GOLIM4: variants seen among roughly 807,000 people sequenced by gnomAD.
The protein encoded by GOLIM4 is 130 kDa golgi-localized phosphoprotein.
A neutral mutation model predicts 107.4 loss-of-function variants in GOLIM4; 71 were observed. The observed-to-expected ratio is 0.66, with a 90% confidence interval of 0.55 to 0.81. The LOEUF (loss-of-function observed/expected upper bound fraction) is 0.81. Ranked by LOEUF, GOLIM4 falls within the 30% of genes least tolerant of loss-of-function variation. GOLIM4 has a pLI of 0.00. For synonymous variants in GOLIM4, 327 were observed against 294.8 expected (o/e 1.11, Z -1.12); for missense variants, 830 against 826.1 (o/e 1.00, Z -0.06).
chr3:168,089,338 T>C (rs1034413435), intron 1 of GOLIM4, among the ~76,000 whole-genome samples: 1 of 152,206 alleles, frequency 6.6e-6, no homozygotes, highest in African/African-American at 2.4e-5. Flanking sequence ...TTAGTACACC[T>C]ACCACACATT....
At chr3:168,017,952 T>C (rs1392100211) in intron 14 of GOLIM4, among the ~76,000 whole-genome samples, 1 of 152,194 alleles carries the variant, frequency 6.6e-6, no homozygotes, top group Admixed American at 6.5e-5. Context: ...AGCATCCAAA[T>C]ATTTGTGCTA....
chr3:168,060,192 G>A (rs557610996), intron 1 of GOLIM4, among the ~76,000 whole-genome samples: 2 of 151,984 alleles, frequency 1.3e-5, no homozygotes, highest in Admixed American at 1.3e-4. Context: ...CCAAGTAGGT[G>A]GGACTACAGG....
At chr3:168,013,105 A>C (rs1717151606) in intron 14 of GOLIM4, among the ~76,000 whole-genome samples, 3 of 151,554 alleles carry the variant, frequency 2.0e-5, no homozygotes, top group Non-Finnish European at 4.4e-5. Flanking sequence ...AAATTGGATG[A>C]AGAGTCAAGA....
chr3:168,078,779 T>C (rs1721192836), intron 1 of GOLIM4, among the ~76,000 whole-genome samples: 1 of 152,130 alleles, frequency 6.6e-6, no homozygotes, highest in Admixed American at 6.5e-5. Context: ...AATGACCCCT[T>C]TAGAATATAG....
intron 14 of GOLIM4, among the ~76,000 whole-genome samples, chr3:168,022,333 TAA>T (rs72025617): frequency 0.08 from 11,490 of 143,458 alleles, 507 homozygotes; most frequent in African/African-American, 0.13. Flanking sequence ...AAATGGAGAT[TAA>T]AAAAAAAAAA....
intron 1 of GOLIM4, among the ~76,000 whole-genome samples, chr3:168,068,809 T>C (rs1008313968): frequency 2.0e-5 from 3 of 151,392 alleles, no homozygotes; most frequent in Non-Finnish European, 4.4e-5. Flanking sequence ...AAAACTTTTC[T>C]GCACTTTAAT....
chr3:168,082,552 G>A lies in GOLIM4; in HGVS notation c.187+12547C>T, dbSNP rs118014138. Among the ~76,000 whole-genome samples, 98 of 152,192 alleles carry A rather than the reference G, an allele frequency of 6.4e-4. 1 individual carries two copies. The East Asian group carries it at 0.017, about 27-fold the overall frequency. The stretch of plus-strand genomic sequence containing the variant: ...GGCTCAGTTCACATGGACCCTGCTC[G>A]AACTCAGTGCAAAAGATACGAGAGA... On this transcript the variant is annotated intron_variant, in intron 1 of 15. Transcript: ENST00000470487.
chr3:168,017,150 TA>T (rs1278494809), intron 14 of GOLIM4, among the ~76,000 whole-genome samples: 1 of 152,192 alleles, frequency 6.6e-6, no homozygotes, highest in East Asian at 1.9e-4. Flanking sequence ...GAATAATGGT[TA>T]AAATTCCAAA....
chr3:168,072,231 C>T (rs984603144), intron 1 of GOLIM4, among the ~76,000 whole-genome samples: 1 of 152,118 alleles, frequency 6.6e-6, no homozygotes, highest in African/African-American at 2.4e-5. Context: ...TTCACCAAGG[C>T]ATTTGTCACT....
intron 6 of GOLIM4, 159 bp from the exon 7 acceptor site, chr3:168,041,028 C>T (rs1408177657): frequency 5.5e-6 from 3 of 543,420 alleles, no homozygotes; most frequent in Non-Finnish European, 9.8e-6. Flanking sequence ...GAACACTACG[C>T]TTTATGTAGT....
At position 168,048,363 on chromosome 3, in the gene GOLIM4, C is replaced by T. The variant is rs1359661838; in HGVS notation, c.190G>A (p.Val64Ile). 1 of 1,463,586 alleles carries T rather than the reference C, an allele frequency of 6.8e-7. No homozygotes were observed. Among genetic ancestry groups the T allele is most frequent in the Middle Eastern group, 1.8e-4 (1 of 5,590 alleles). 90.7% of individuals were successfully genotyped at this position (1,463,586 alleles called of 1,614,324 possible). A position where few individuals can be genotyped will look rare whatever the true frequency, so the allele number is the denominator to read the frequency against. Residue 64 changes from valine (V) to isoleucine (I), a missense_variant and splice_region_variant, in exon 2 of 16, where the codon GTA becomes ATA. Coordinates refer to ENST00000470487, the MANE Select transcript of GOLIM4 (RefSeq NM_014498.5). ...QESLSAQLQV[V>I]YEHRSRLEKS... is the part of the protein sequence containing the mutation. ...TCTAATCTTGATCTGTGTTCATATA[C>T]AACTGGAAAAAAAGTTAACATTTTT...
intron 1 of GOLIM4, among the ~76,000 whole-genome samples, chr3:168,056,689 G>C (rs899660045): frequency 1.3e-5 from 2 of 152,192 alleles, no homozygotes; most frequent in African/African-American, 4.8e-5. Flanking sequence ...TGACTGTCCT[G>C]CTGGATTTTG....
chr3:168,064,741 A>T (rs1246306003), intron 1 of GOLIM4, among the ~76,000 whole-genome samples: 1 of 151,940 alleles, frequency 6.6e-6, no homozygotes, highest in Non-Finnish European at 1.5e-5. Flanking sequence ...GCTTCATGAG[A>T]AATTTTTAAA....
At chr3:168,063,783 A>G (rs1054006727) in intron 1 of GOLIM4, among the ~76,000 whole-genome samples, 1 of 151,974 alleles carries the variant, frequency 6.6e-6, no homozygotes, top group Non-Finnish European at 1.5e-5. Context: ...CTTAATGCCC[A>G]GGTGATGAGT....
At chr3:168,032,488 G>A (rs1224608797) in intron 9 of GOLIM4, 32 bp downstream of exon 9, 2 of 1,528,474 alleles carry the variant, frequency 1.3e-6, no homozygotes. Context: ...TTCCATCCCA[G>A]TACACCATAC....
intron 7 of GOLIM4, among the ~76,000 whole-genome samples, chr3:168,039,848 T>C (rs1718879250): frequency 6.6e-6 from 1 of 152,136 alleles, no homozygotes; most frequent in Admixed American, 6.5e-5. Flanking sequence ...TTTATACACA[T>C]GTAAAAAATC....
intron 1 of GOLIM4, among the ~76,000 whole-genome samples, chr3:168,058,001 T>C (rs1396222018): frequency 1.3e-5 from 2 of 152,152 alleles, no homozygotes; most frequent in African/African-American, 4.8e-5. Context: ...GATAACAGAA[T>C]AGAGATTAAA....
chr3:168,056,732 G>A (rs1719994156), intron 1 of GOLIM4, among the ~76,000 whole-genome samples: 1 of 152,134 alleles, frequency 6.6e-6, no homozygotes, highest in Non-Finnish European at 1.5e-5. Context: ...CTTGTGTTTT[G>A]GCCAATTTCT....
chr3:168,079,012 A>G (rs1369484765), intron 1 of GOLIM4, among the ~76,000 whole-genome samples: 1 of 152,218 alleles, frequency 6.6e-6, no homozygotes, highest in Non-Finnish European at 1.5e-5. Flanking sequence ...GTATGAGGAT[A>G]TTAAGTAACA....
Sources: allele counts gnomAD v4.1 joint callset (sites outside exome capture counted in the v4.1 genomes callset), GRCh38; gene constraint gnomAD v4.1.1; transcripts MANE v1.5; gene names NCBI Gene and HGNC (gene_info 2026-07-23, HGNC 2026-07-21).